Variants in MCM5 observed in about 807,000 individuals in gnomAD.
MCM5 encodes the protein minichromosome maintenance complex component 5, also known as DNA replication licensing factor MCM5.
MCM5 carries 46 observed loss-of-function variants against 79.9 expected under a neutral mutation model. The observed-to-expected ratio is 0.58, with a 90% CI of 0.45 to 0.74. The LOEUF (loss-of-function observed/expected upper bound fraction) is 0.74. Ranked by LOEUF, MCM5 falls within the 30% of genes least tolerant of loss-of-function variation. The pLI is 0.00. For missense variants in MCM5, 883 were observed against 1,017.0 expected (o/e 0.87, Z 1.79); for synonymous variants, 404 against 390.5 (o/e 1.03, Z -0.41).
chr22:35,424,261 G>C lies in MCM5; in HGVS notation c.*6G>C, dbSNP rs4645824. ...TTCTCTACCGCCTCAAGTGAGTCGC[G>C]CCGCCTCACTGGACTCATGGACTCG... On this transcript the variant is annotated 3_prime_UTR_variant, in exon 17 of 17. Transcript: ENST00000216122. 1 of 1,536,004 alleles carries C rather than the reference G, an allele frequency of 6.5e-7. No individual in the cohort carries two copies. The highest frequency in any genetic ancestry group is 1.2e-5 in the South Asian group (1 of 82,652).
the MCM5 span, among the ~76,000 whole-genome samples, chr22:35,449,240 A>G: frequency 6.6e-6 from 1 of 152,176 alleles, no homozygotes; most frequent in East Asian, 1.9e-4. Context: ...CTGAAGGAGG[A>G]GGAGAGCCAG....
the MCM5 span, among the ~76,000 whole-genome samples, chr22:35,453,989 CCCT>C: frequency 2.6e-5 from 4 of 151,560 alleles, no homozygotes. Flanking sequence ...CTCTCCTCTT[CCCT>C]CCTCAGCTCT....
At chr22:35,427,230 G>A (rs1011836140), downstream of MCM5, among the ~76,000 whole-genome samples, 1 of 152,172 alleles carries the variant, frequency 6.6e-6, no homozygotes. Context: ...ACATAGCAAA[G>A]GCTATATCCA....
At chr22:35,440,913 C>T in the MCM5 span, among the ~76,000 whole-genome samples, 49 of 152,028 alleles carry the variant, frequency 3.2e-4, no homozygotes, top group Middle Eastern at 3.2e-3. Flanking sequence ...CAAAATTAGC[C>T]GGGTGTGGTG....
At chr22:35,419,298 A>C (rs577577271) in intron 13 of MCM5, among the ~76,000 whole-genome samples, 1 of 152,098 alleles carries the variant, frequency 6.6e-6, no homozygotes, top group Admixed American at 6.5e-5. Context: ...TCCCTACATC[A>C]GTGACTGTCA....
In MCM5 at chr22:35,415,875, C is replaced by T. The variant is rs200017918; in HGVS notation, c.1250C>T (p.Ser417Leu). Residue 417 changes from serine (S) to leucine (L), a missense_variant, in exon 10 of 17, where the codon TCG (serine) becomes TTG (leucine). Coordinates refer to ENST00000216122, the MANE Select transcript of MCM5 (RefSeq NM_006739.4). ...AGCAGCGCAGCTGGACTGACAGCCT[C>T]GGTGATGAGGGACCCTTCGTCCCGG... The part of the protein sequence containing the change: ...KGSSAAGLTA[S>L]VMRDPSSRNF... The T allele has an allele frequency of 2.4e-4, 382 of 1,613,898 alleles. No homozygotes were observed. The highest frequency in any genetic ancestry group is 2.8e-4 in the Non-Finnish European group (332 of 1,180,018).
intron 13 of MCM5, 87 bp from the exon 14 acceptor site, chr22:35,419,797 T>C: frequency 7.0e-7 from 1 of 1,421,732 alleles, no homozygotes; most frequent in Non-Finnish European, 9.5e-7. Flanking sequence ...AGTGCATGTC[T>C]GTAAGCTGGC....
At chr22:35,431,281 G>T in the MCM5 span, among the ~76,000 whole-genome samples, 13 of 152,282 alleles carry the variant, frequency 8.5e-5, no homozygotes, top group East Asian at 2.5e-3. Context: ...CTCGTCCTGG[G>T]TTACACACCA....
Position 35,406,588 on chromosome 22 carries a change from C to T in MCM5, c.459C>T (p.Gly153=), listed in dbSNP as rs962875559. The T allele has an allele frequency of 6.2e-7, 1 of 1,613,856 alleles. No individual in the cohort carries two copies. The highest frequency in any genetic ancestry group is 1.1e-5 in the South Asian group (1 of 91,068). Residue 153 remains glycine, a synonymous_variant, in exon 5 of 17, where the codon GGC becomes GGT. Coordinates refer to ENST00000216122, the MANE Select transcript of MCM5 (RefSeq NM_006739.4). ...TGTCACACCTGGTGAAGATCCCTGG[C>T]ATCATCATCGCGGCCTCTGCGGTCC... ...DMMSHLVKIP[G]IIIAASAVRA...
the MCM5 span, among the ~76,000 whole-genome samples, chr22:35,431,122 G>T: frequency 1.3e-5 from 2 of 152,208 alleles, no homozygotes; most frequent in Admixed American, 6.5e-5. Context: ...AAACTCCCTG[G>T]CTCAGACTCA....
chr22:35,426,871 A>G (rs190070244), downstream of MCM5, among the ~76,000 whole-genome samples: 359 of 152,112 alleles, frequency 2.4e-3, 2 homozygotes, highest in Middle Eastern at 6.8e-3. Flanking sequence ...GGGTCTCTCA[A>G]CTTCGCTCAC....
At chr22:35,420,272 G>T (rs547797175) in intron 14 of MCM5, among the ~76,000 whole-genome samples, 1 of 152,204 alleles carries the variant, frequency 6.6e-6, no homozygotes, top group Admixed American at 6.5e-5. Flanking sequence ...TAGGAAGCCC[G>T]AAGGGAGGGA....
rs1363053003 is a variant in MCM5 at position 35,421,129 on chromosome 22, A to C, written c.1833-189A>C. On this transcript the variant is annotated intron_variant, in intron 14 of 16. Coordinates refer to ENST00000216122, the MANE Select transcript of MCM5 (RefSeq NM_006739.4). The stretch of plus-strand genomic sequence containing the variant: ...GTCCACAGAGCGAGACTTTGTCTCA[A>C]AAAAAAAAAAAAAAAAAAAAAATTG... Among the ~76,000 whole-genome samples, 38 of 30,696 alleles carry C rather than the reference A, an allele frequency of 1.2e-3. No individual in the cohort carries two copies. The African/African-American group carries it at 0.04, about 32-fold the overall frequency. 20.1% of individuals were successfully genotyped at this position (30,696 alleles called of 152,430 possible).
chr22:35,404,119 A>G (rs1483356383), intron 4 of MCM5, among the ~76,000 whole-genome samples: 1 of 152,186 alleles, frequency 6.6e-6, no homozygotes. Flanking sequence ...CTCTAAAAAT[A>G]AAAAATAAAT....
At chr22:35,445,157 C>T in the MCM5 span, among the ~76,000 whole-genome samples, 1 of 152,172 alleles carries the variant, frequency 6.6e-6, no homozygotes, top group African/African-American at 2.4e-5. Flanking sequence ...TGGGAACTTC[C>T]TGAGTCTCAG....
chr22:35,453,576 C>G, the MCM5 span, among the ~76,000 whole-genome samples: 1 of 149,374 alleles, frequency 6.7e-6, no homozygotes, highest in Non-Finnish European at 1.5e-5. Flanking sequence ...CAGAGTGAAT[C>G]AGAGAGACAG....
chr22:35,408,505 C>G lies in MCM5; in HGVS notation c.694C>G (p.Leu232Val), dbSNP rs758852779. The G allele has an allele frequency of 6.2e-7, 1 of 1,614,196 alleles. No homozygotes were observed. Among genetic ancestry groups the G allele is most frequent in the South Asian group, 1.1e-5 (1 of 91,080 alleles). ...CTTCCAGACCCTGAAGCTGCAGGAG[C>G]TGCCTGATGCAGTCCCCCACGGGGA... ...VDFQTLKLQELPDAVPHGEMP... is the reference protein window; with the variant it reads ...VDFQTLKLQEVPDAVPHGEMP... The change falls in exon 6 of 17, where the codon CTG becomes GTG. Residue 232 changes from leucine (L) to valine (V), a missense_variant. Around this residue, in one of 3 missense-constraint regions of MCM5, gnomAD observed 455 missense variants for 517.5 expected, o/e 0.88. Transcript: ENST00000216122.
chr22:35,446,219 G>A, the MCM5 span, among the ~76,000 whole-genome samples: 1 of 152,208 alleles, frequency 6.6e-6, no homozygotes, highest in Non-Finnish European at 1.5e-5. Context: ...GTAACGTCTT[G>A]AGCAGAAGGA....
At chr22:35,409,107 C>T (rs769911464) in intron 6 of MCM5, among the ~76,000 whole-genome samples, 19 of 152,330 alleles carry the variant, frequency 1.2e-4, no homozygotes, top group Middle Eastern at 6.8e-3. Flanking sequence ...GGACTACAGG[C>T]GCCCTCCACC....
Sources: gnomAD v4.1 joint callset for allele counts (sites outside exome capture counted in the v4.1 genomes callset) on GRCh38, gnomAD v4.1.1 for gene constraint, gnomAD v4.1.1 regional missense constraint, MANE v1.5 for transcripts, NCBI Gene and HGNC (gene_info 2026-07-23, HGNC 2026-07-21) for gene names.